The following UBE2G1 variants were observed in gnomAD, a reference collection of about 807,000 sequenced individuals.
UBE2G1 encodes ubiquitin conjugating enzyme E2 G1.
A neutral mutation model predicts 22.7 loss-of-function variants in UBE2G1; 5 were observed. The observed-to-expected ratio is 0.22, with a 90% CI of 0.12 to 0.46. The LOEUF (loss-of-function observed/expected upper bound fraction) is 0.46, where lower values mean the gene tolerates loss of function less well. Ranked by LOEUF, UBE2G1 falls within the 20% of genes least tolerant of loss-of-function variation. The pLI, the probability that UBE2G1 is intolerant of heterozygous loss-of-function variation, is 0.99. For missense variants in UBE2G1, 88 were observed against 203.9 expected, an observed-to-expected ratio of 0.43 and a Z score of 3.46; for synonymous variants, 74 against 67.5, an observed-to-expected ratio of 1.10 and a Z score of -0.47.
At chr17:4,360,259 CAAT>C (rs1031033023) in intron 1 of UBE2G1, among the ~76,000 whole-genome samples, 3 of 152,092 alleles carry the variant, frequency 2.0e-5, no homozygotes, top group Non-Finnish European at 4.4e-5. Context: ...AAAAAGGTTT[CAAT>C]AATTAAGAAA....
intron 1 of UBE2G1, among the ~76,000 whole-genome samples, chr17:4,334,218 T>C (rs116998570): frequency 2.0e-5 from 3 of 151,582 alleles, no homozygotes; most frequent in Non-Finnish European, 4.4e-5. Context: ...TAAGCCACCA[T>C]GCAAGGTACA....
At chr17:4,338,148 C>T (rs1388296342) in intron 1 of UBE2G1, among the ~76,000 whole-genome samples, 3 of 148,082 alleles carry the variant, frequency 2.0e-5, no homozygotes, top group Non-Finnish European at 4.4e-5. Context: ...GCAGCCTAGG[C>T]GACAGAGCGA....
At chr17:4,338,597 A>G (rs1001799723) in intron 1 of UBE2G1, among the ~76,000 whole-genome samples, 1 of 152,242 alleles carries the variant, frequency 6.6e-6, no homozygotes, top group Admixed American at 6.5e-5. Context: ...TTCCTAAGCC[A>G]ACTGTGTATA....
rs760596506 is a variant in UBE2G1, at chr17:4,307,104, C to T, written c.66G>A (p.Val22=). The T allele has an allele frequency of 3.7e-6, 6 of 1,613,950 alleles. No homozygotes were observed. In the African/African-American group the frequency reaches 5.3e-5, roughly 14 times the overall value. ...CTATTAAACCTGCAGAAAAGCCTTC[C>T]ACTGGATTTTTGTTGAGTTCTGTGG... The part of the protein sequence containing the change: ...RQLAELNKNP[V]EGFSAGLIDD... The change falls in exon 2 of 6, where the codon GTG becomes GTA. Residue 22 remains valine (V), a synonymous_variant. Transcript: ENST00000396981.
intron 1 of UBE2G1, among the ~76,000 whole-genome samples, chr17:4,353,898 A>G (rs1418532594): frequency 6.8e-6 from 1 of 146,056 alleles, no homozygotes; most frequent in East Asian, 2.0e-4. Flanking sequence ...GCTCACTGCA[A>G]CCTCTGCCTT....
At chr17:4,350,743 T>A (rs554341202) in intron 1 of UBE2G1, among the ~76,000 whole-genome samples, 1 of 152,128 alleles carries the variant, frequency 6.6e-6, no homozygotes, top group African/African-American at 2.4e-5. Flanking sequence ...CATTTAAAAA[T>A]AGTATGAGGC....
intron 1 of UBE2G1, among the ~76,000 whole-genome samples, chr17:4,341,352 T>C (rs988304272): frequency 6.6e-6 from 1 of 152,152 alleles, no homozygotes; most frequent in Non-Finnish European, 1.5e-5. Flanking sequence ...TCTCTGCCGA[T>C]GTATTTACTT....
At chr17:4,364,334 A>G (rs1411797207) in intron 1 of UBE2G1, 5 of 100,128 alleles carry the variant, frequency 5.0e-5, no homozygotes, top group Non-Finnish European at 1.0e-4. Flanking sequence ...TCTGTCGCCC[A>G]GGCTGGAGTG....
At position 4,343,317 on chromosome 17, in the gene UBE2G1, C is replaced by T. The variant is rs190484412; in HGVS notation, c.46+22954G>A. On this transcript the variant is annotated intron_variant, in intron 1 of 5. Transcript: ENST00000396981. ...ATATTAATAACAAGTCCAGGCCAGG[C>T]GCGGTAGCTCACGCCTGTAATCCCA... Among the ~76,000 whole-genome samples, 143 of 152,184 alleles carry T rather than the reference C, an allele frequency of 9.4e-4. 1 individual carries two copies. Among genetic ancestry groups the T allele is most frequent in the African/African-American group, 3.0e-3 (125 of 41,544 alleles).
Position 4,272,117 on chromosome 17 carries a change from T to C in UBE2G1, c.*437A>G, listed in dbSNP as rs1399859807. On this transcript the variant is annotated 3_prime_UTR_variant, in exon 6 of 6. Transcript: ENST00000396981. The stretch of plus-strand genomic sequence containing the variant: ...AATCCTAATTGCTTTTCATCTGACA[T>C]GCTTAAAGGAATCCTTTTAAACTGA... 2.0e-5 allele frequency: 3 copies of C among 152,644 alleles called. No homozygotes were observed. The highest frequency in any genetic ancestry group is 1.3e-4 in the Admixed American group (2 of 15,290). 9.5% of individuals were successfully genotyped at this position (152,644 alleles called of 1,614,324 possible).
chr17:4,353,742 C>A (rs1243958655), intron 1 of UBE2G1, among the ~76,000 whole-genome samples: 1 of 151,804 alleles, frequency 6.6e-6, no homozygotes, highest in African/African-American at 2.4e-5. Flanking sequence ...GATCTCCTGA[C>A]CTCGTGATCC....
intron 5 of UBE2G1, among the ~76,000 whole-genome samples, chr17:4,277,707 G>A (rs1968836961): frequency 6.6e-6 from 1 of 152,168 alleles, no homozygotes; most frequent in Non-Finnish European, 1.5e-5. Flanking sequence ...TTCACTTTCA[G>A]TTCAGCCCAG....
Position 4,270,124 on chromosome 17 carries a change from C to G in UBE2G1, c.*2430G>C, listed in dbSNP as rs1461483226. On this transcript the variant is annotated 3_prime_UTR_variant, in exon 6 of 6. Coordinates refer to ENST00000396981, the MANE Select transcript of UBE2G1 (RefSeq NM_003342.5). ...CATGCCTGGCTCTCACTTCCACTCC[C>G]GTAGAGCTAGCCCTAAAAAAAAAAC... 1 of 152,392 alleles carries G rather than the reference C, an allele frequency of 6.6e-6. No homozygotes were observed. Among genetic ancestry groups the G allele is most frequent in the Non-Finnish European group, 1.5e-5 (1 of 67,982 alleles). The allele number at this position is 152,392 out of a possible 1,614,324, so 9.4% of individuals were successfully genotyped here.
intron 1 of UBE2G1, among the ~76,000 whole-genome samples, chr17:4,319,400 C>T (rs983973771): frequency 2.0e-5 from 3 of 152,006 alleles, no homozygotes; most frequent in Non-Finnish European, 2.9e-5. Context: ...GTAACAGTGA[C>T]GTGAAGAAAT....
intron 1 of UBE2G1, among the ~76,000 whole-genome samples, chr17:4,328,103 A>T (rs1969523165): frequency 1.3e-5 from 2 of 152,116 alleles, no homozygotes; most frequent in African/African-American, 4.8e-5. Flanking sequence ...GATCACCAAA[A>T]TTTCTTAGTT....
At chr17:4,338,478 C>T (rs544217037) in intron 1 of UBE2G1, among the ~76,000 whole-genome samples, 9 of 152,126 alleles carry the variant, frequency 5.9e-5, no homozygotes, top group African/African-American at 9.7e-5. Flanking sequence ...TTAGCTCCCC[C>T]CTCAACTCCA....
At chr17:4,306,937 A>C in intron 2 of UBE2G1, 84 bp downstream of exon 2, 1 of 1,285,354 alleles carries the variant, frequency 7.8e-7, no homozygotes, top group Admixed American at 1.8e-5. Flanking sequence ...GGTGTGAGCC[A>C]CCGTGCCCAG....
At chr17:4,344,410 G>A (rs1233117507) in intron 1 of UBE2G1, among the ~76,000 whole-genome samples, 1 of 151,848 alleles carries the variant, frequency 6.6e-6, no homozygotes, top group African/African-American at 2.4e-5. Context: ...TGTGGTGATG[G>A]GGGCCTGTAG....
In UBE2G1 at chr17:4,302,588, T is replaced by C. The variant is rs1177353814; in HGVS notation, c.149+4433A>G. On this transcript the variant is annotated intron_variant, in intron 2 of 5. Coordinates refer to ENST00000396981, the MANE Select transcript of UBE2G1 (RefSeq NM_003342.5). ...AGAAGTTTTCTTCATTGCCTGTGAT[T>C]CTATGTGACTTTTATCTGTGGTCTT... The C allele has an allele frequency of 7.6e-6, 3 of 396,310 alleles. No homozygotes were observed. The East Asian group carries it at 1.8e-4, about 24-fold the overall frequency. The allele number at this position is 396,310 out of a possible 1,614,324, so 24.5% of individuals were successfully genotyped here.
Sources: allele counts gnomAD v4.1 joint callset (sites outside exome capture counted in the v4.1 genomes callset), GRCh38; gene constraint gnomAD v4.1.1; transcripts MANE v1.5; gene names NCBI Gene and HGNC (gene_info 2026-07-23, HGNC 2026-07-21).